CFAP46: variants seen among roughly 807,000 people sequenced by gnomAD.
CFAP46 encodes cilia- and flagella-associated protein 46.
CFAP46 carries 245 observed loss-of-function variants against 325.7 expected under a neutral mutation model. The observed-to-expected ratio is 0.75, with a 90% CI of 0.68 to 0.84. The LOEUF (loss-of-function observed/expected upper bound fraction) is 0.84. Ranked by LOEUF, CFAP46 falls within the 40% of genes least tolerant of loss-of-function variation. CFAP46 has a pLI of 0.00. For missense variants in CFAP46, 3,346 were observed against 3,543.0 expected (o/e 0.94, Z 1.41); for synonymous variants, 1,523 against 1,495.9 (o/e 1.02, Z -0.42).
intron 48 of CFAP46, among the ~76,000 whole-genome samples, chr10:132,834,433 G>C (rs897705146): frequency 6.6e-6 from 1 of 152,186 alleles, no homozygotes; most frequent in Non-Finnish European, 1.5e-5. Flanking sequence ...TGGGCCAGGG[G>C]CTGGAGGGAC....
In CFAP46 at chr10:132,832,683, C is replaced by A; in HGVS notation, c.7117+675G>T. On this transcript the variant is annotated intron_variant, in intron 50 of 57. Transcript: ENST00000368586. The surrounding 1 kb of genome is among the most constrained non-coding windows in gnomAD (Gnocchi z 4.1). The stretch of plus-strand genomic sequence containing the variant: ...CTGCACGTACCGCAAGGGTAGCGCT[C>A]GGGGAAGCTTCACAACCGGGGCACG... The A allele has an allele frequency of 2.2e-6, 1 of 449,362 alleles. No homozygotes were observed. Among genetic ancestry groups the A allele is most frequent in the Non-Finnish European group, 4.8e-6 (1 of 209,588 alleles). 27.8% of individuals were successfully genotyped at this position (449,362 alleles called of 1,614,324 possible).
At chr10:132,940,965 A>G (rs777452652) in intron 4 of CFAP46, 31 bp downstream of exon 4, 10 of 1,605,362 alleles carry the variant, frequency 6.2e-6, no homozygotes, top group Middle Eastern at 1.7e-4. Context: ...TCACCCAGTC[A>G]GTGAGAAACG....
chr10:132,823,026 CTGTGTG>C, intron 50 of CFAP46, among the ~76,000 whole-genome samples: 1 of 107,650 alleles, frequency 9.3e-6, no homozygotes, highest in South Asian at 3.4e-4. Flanking sequence ...GTGCTGTGTG[CTGTGTG>C]TGCGCTGATG....
chr10:132,915,619 C>T (rs968920678), intron 17 of CFAP46, among the ~76,000 whole-genome samples: 13 of 151,578 alleles, frequency 8.6e-5, no homozygotes, highest in Admixed American at 3.3e-4. Context: ...GCTTCTGCCC[C>T]GAGGGACCGG....
At chr10:132,917,238 G>A (rs964434716) in intron 16 of CFAP46, among the ~76,000 whole-genome samples, 1 of 152,266 alleles carries the variant, frequency 6.6e-6, no homozygotes, top group South Asian at 2.1e-4. Flanking sequence ...AAATCGGCAG[G>A]TGCCCTGTCC....
intron 6 of CFAP46, chr10:132,937,284 A>G: frequency 1.9e-6 from 1 of 539,806 alleles, no homozygotes; most frequent in East Asian, 3.1e-5. Context: ...CTTTAAAAAA[A>G]TTCAAAGCTA....
intron 8 of CFAP46, among the ~76,000 whole-genome samples, chr10:132,930,770 T>C (rs1591098026): frequency 2.0e-5 from 1 of 51,028 alleles, no homozygotes. Context: ...GCCTGGGCCT[T>C]CCCCACACTC....
intron 50 of CFAP46, among the ~76,000 whole-genome samples, chr10:132,825,238 T>C (rs1848024195): frequency 6.7e-6 from 1 of 149,710 alleles, no homozygotes; most frequent in Non-Finnish European, 1.5e-5. Context: ...GCTGTGTGTG[T>C]GCCCTGATGT....
chr10:132,847,338 A>G lies in CFAP46; in HGVS notation c.5953-17T>C, dbSNP rs768616429. On this transcript the variant is annotated splice_polypyrimidine_tract_variant and intron_variant, in intron 41 of 57. Transcript: ENST00000368586. The surrounding 1 kb of genome is among the most constrained non-coding windows in gnomAD (Gnocchi z 5.2). ...GGCGCCCACCTGTGACACACATTGC[A>G]GGTTGGCAGACACTTCTGGGTTCCT... 1 of 1,612,798 alleles carries G rather than the reference A, an allele frequency of 6.2e-7. No individual in the cohort carries two copies. The highest frequency in any genetic ancestry group is 8.5e-7 in the Non-Finnish European group (1 of 1,179,552).
chr10:132,938,729 T>G lies in CFAP46; in HGVS notation c.396A>C (p.Ala132=). ...TCACCATCTGCCAGTAGAGGACTGA[T>G]GCATTGTACACCAAAAAGTAGTACC... ...EPRYYFLVYN[A]SVLYWQMVRP... is the part of the protein sequence containing the mutation. Residue 132 remains alanine (A), a synonymous_variant, in exon 5 of 58, where the codon GCA becomes GCC. Transcript: ENST00000368586. 1 of 1,613,392 alleles carries G rather than the reference T, an allele frequency of 6.2e-7. No homozygotes were observed. The highest frequency in any genetic ancestry group is 8.5e-7 in the Non-Finnish European group (1 of 1,179,950).
chr10:132,922,787 G>A lies in CFAP46; in HGVS notation c.1257-79C>T. On this transcript the variant is annotated intron_variant, in intron 11 of 57. Coordinates refer to ENST00000368586, the MANE Select transcript of CFAP46 (RefSeq NM_001200049.3). The stretch of plus-strand genomic sequence containing the variant: ...CTGGGGTCACACCCTCCAGAGGAAG[G>A]CCTGCAGTGGCCCCAGAGTGTAGGG... 8 of 1,128,256 alleles carry A rather than the reference G, an allele frequency of 7.1e-6. 1 individual carries two copies. Among genetic ancestry groups the A allele is most frequent in the Non-Finnish European group, 8.9e-6 (7 of 785,444 alleles). The allele number at this position is 1,128,256 out of a possible 1,614,324, so 69.9% of individuals were successfully genotyped here.
chr10:132,929,570 C>T lies in CFAP46; in HGVS notation c.966+135G>A, dbSNP rs141145523. The T allele has an allele frequency of 1.9e-4, 158 of 849,230 alleles. No homozygotes were observed. In the African/African-American group the frequency reaches 2.0e-3, roughly 11 times the overall value. The allele number at this position is 849,230 out of a possible 1,614,324, so 52.6% of individuals were successfully genotyped here. ...CTGTGCAAAACACAGGTAGGAAAGA[C>T]GGCAATGTGCCAACCACGGACCGAA... On this transcript the variant is annotated intron_variant, in intron 9 of 57. Transcript: ENST00000368586.
At chr10:132,824,365 GC>G (rs1847983413) in intron 50 of CFAP46, among the ~76,000 whole-genome samples, 2 of 137,588 alleles carry the variant, frequency 1.5e-5, no homozygotes, top group African/African-American at 2.8e-5. Context: ...GCTGATGTGT[GC>G]TGTGTGAGTG....
At chr10:132,926,790 A>G (rs1564803420) in intron 9 of CFAP46, 124 bp from the exon 10 acceptor site, 1 of 745,750 alleles carries the variant, frequency 1.3e-6, no homozygotes, top group Middle Eastern at 2.6e-4. Flanking sequence ...AAGTCACACG[A>G]TGACACAAAG....
chr10:132,929,109 C>T (rs374178224), intron 9 of CFAP46: 19 of 196,290 alleles, frequency 9.7e-5, no homozygotes, highest in East Asian at 9.5e-4. Flanking sequence ...AGGCCTGAAA[C>T]GTGGAGTAGT....
At chr10:132,898,866 G>C in intron 24 of CFAP46, 93 bp downstream of exon 24, 1 of 1,468,320 alleles carries the variant, frequency 6.8e-7, no homozygotes. Flanking sequence ...GGCCTGTGGG[G>C]TCTGTCTTTC....
At chr10:132,918,788 GCTCTCC>G (rs1849676123) in intron 15 of CFAP46, among the ~76,000 whole-genome samples, 1 of 152,144 alleles carries the variant, frequency 6.6e-6, no homozygotes, top group Admixed American at 6.5e-5. Context: ...GGCACCTGTG[GCTCTCC>G]CAACTCCTCC....
chr10:132,819,870 A>G (rs1591031459), intron 50 of CFAP46, among the ~76,000 whole-genome samples: 1 of 152,258 alleles, frequency 6.6e-6, no homozygotes, highest in East Asian at 1.9e-4. Flanking sequence ...CATAAGCAAC[A>G]CAAGCAGAAA....
chr10:132,899,255 A>C (rs549720558), intron 23 of CFAP46, 134 bp from the exon 24 acceptor site: 46 of 1,071,388 alleles, frequency 4.3e-5, no homozygotes, highest in Non-Finnish European at 5.2e-5. Flanking sequence ...TGGCTTGCTC[A>C]GGAGTCCCTG....
Sources: gnomAD v4.1 joint callset for allele counts (sites outside exome capture counted in the v4.1 genomes callset) on GRCh38, gnomAD v4.1.1 for gene constraint, Gnocchi (gnomAD v3.1) non-coding constraint, MANE v1.5 for transcripts, NCBI Gene and HGNC (gene_info 2026-07-23, HGNC 2026-07-21) for gene names.